Variants in SEMA3A observed in about 807,000 individuals in gnomAD.
SEMA3A encodes semaphorin 3A.
SEMA3A carries 29 observed loss-of-function variants against 97.9 expected under a neutral mutation model. The observed-to-expected ratio is 0.30, with a 90% CI of 0.22 to 0.40. The LOEUF (loss-of-function observed/expected upper bound fraction) is 0.40. SEMA3A is among the 10% of genes least tolerant of loss of function. The pLI is 1.00. For synonymous variants in SEMA3A, 321 were observed against 323.7 expected, an observed-to-expected ratio of 0.99 and a Z score of 0.09; for missense variants, 763 against 951.3, an observed-to-expected ratio of 0.80 and a Z score of 2.60.
At chr7:84,415,267 T>C (rs1206437448) in intron 1 of SEMA3A, among the ~76,000 whole-genome samples, 1 of 152,112 alleles carries the variant, frequency 6.6e-6, no homozygotes. Flanking sequence ...CATAAATCTG[T>C]TATAAAATAC....
At chr7:84,066,993 G>A (rs1313315278) in intron 4 of SEMA3A, among the ~76,000 whole-genome samples, 2 of 152,048 alleles carry the variant, frequency 1.3e-5, no homozygotes, top group South Asian at 2.1e-4. Context: ...AACAAAGCTG[G>A]AGGCATCACA....
intron 6 of SEMA3A, among the ~76,000 whole-genome samples, 192 bp from the exon 7 acceptor site, chr7:84,014,543 C>T (rs1052620808): frequency 1.3e-5 from 2 of 152,012 alleles, no homozygotes; most frequent in African/African-American, 4.8e-5. Context: ...TACCTTATAT[C>T]TCTAGAAAAA....
intron 1 of SEMA3A, among the ~76,000 whole-genome samples, chr7:84,470,183 C>T (rs1405754544): frequency 6.6e-6 from 1 of 151,982 alleles, no homozygotes; most frequent in Non-Finnish European, 1.5e-5. Context: ...TGGGATTCTA[C>T]TATACTTATA....
intron 1 of SEMA3A, among the ~76,000 whole-genome samples, chr7:84,468,791 T>C (rs554364356): frequency 1.3e-5 from 2 of 152,186 alleles, no homozygotes; most frequent in South Asian, 4.1e-4. Flanking sequence ...AAGTATTAGA[T>C]TTATATCAAG....
chr7:84,405,894 A>T (rs1446002392), intron 1 of SEMA3A, among the ~76,000 whole-genome samples: 1 of 152,208 alleles, frequency 6.6e-6, no homozygotes. Flanking sequence ...GACACATTCA[A>T]AGCAGTATGT....
intron 12 of SEMA3A, among the ~76,000 whole-genome samples, chr7:83,991,351 A>G (rs1478864258): frequency 6.6e-6 from 1 of 151,758 alleles, no homozygotes; most frequent in Non-Finnish European, 1.5e-5. Flanking sequence ...AACTTCCAAC[A>G]CTATGTTGAA....
intron 3 of SEMA3A, among the ~76,000 whole-genome samples, chr7:84,292,643 C>G (rs1436035806): frequency 6.6e-6 from 1 of 151,884 alleles, no homozygotes; most frequent in African/African-American, 2.4e-5. Flanking sequence ...TGGGGTTGGG[C>G]AAAATCTATT....
intron 3 of SEMA3A, among the ~76,000 whole-genome samples, chr7:84,232,305 C>A (rs892806606): frequency 1.4e-5 from 2 of 148,060 alleles, no homozygotes; most frequent in Non-Finnish European, 3.0e-5. Context: ...ACTTTTCTTG[C>A]AACTAAGGTC....
intron 6 of SEMA3A, among the ~76,000 whole-genome samples, chr7:84,020,051 T>TA (rs542347973): frequency 1.6e-5 from 2 of 126,366 alleles, no homozygotes; most frequent in South Asian, 2.8e-4. Flanking sequence ...TTTTTTTTTT[T>TA]TTTTTTTTTT....
chr7:84,283,324 A>T (rs1287438929), intron 3 of SEMA3A, among the ~76,000 whole-genome samples: 1 of 152,116 alleles, frequency 6.6e-6, no homozygotes, highest in Non-Finnish European at 1.5e-5. Flanking sequence ...TATGGGTTGG[A>T]ACTTCTAAAG....
At chr7:84,056,167 T>TTTTTTTTTTTTTG (rs1330112097) in intron 5 of SEMA3A, among the ~76,000 whole-genome samples, 1 of 152,160 alleles carries the variant, frequency 6.6e-6, no homozygotes, top group Non-Finnish European at 1.5e-5. Context: ...CATTCTTTCT[T>TTTTTTTTTTTTTG]AACTGGAAGC....
intron 2 of SEMA3A, among the ~76,000 whole-genome samples, chr7:84,331,914 G>T (rs545871849): frequency 6.6e-6 from 1 of 151,992 alleles, no homozygotes; most frequent in Non-Finnish European, 1.5e-5. Flanking sequence ...TGGCAATGAG[G>T]TATTTCCCTT....
intron 3 of SEMA3A, among the ~76,000 whole-genome samples, chr7:84,256,827 G>A (rs1424811969): frequency 6.6e-6 from 1 of 152,044 alleles, no homozygotes; most frequent in Non-Finnish European, 1.5e-5. Flanking sequence ...TTCTCTCTGA[G>A]TGGAAACTTG....
intron 1 of SEMA3A, among the ~76,000 whole-genome samples, chr7:84,424,152 A>G (rs1804677051): frequency 6.6e-6 from 1 of 151,540 alleles, no homozygotes; most frequent in Non-Finnish European, 1.5e-5. Context: ...TATCTACCCA[A>G]AGGAAAAGAT....
chr7:83,998,167 G>C (rs1790294945), intron 12 of SEMA3A, among the ~76,000 whole-genome samples: 1 of 151,978 alleles, frequency 6.6e-6, no homozygotes, highest in Non-Finnish European at 1.5e-5. Context: ...TGTATGGGTT[G>C]ATGACAGAGA....
chr7:84,369,010 A>C (rs1802914309), intron 2 of SEMA3A, among the ~76,000 whole-genome samples: 1 of 151,004 alleles, frequency 6.6e-6, no homozygotes, highest in Non-Finnish European at 1.5e-5. Flanking sequence ...ACTAGATCAC[A>C]ATGTTAATTC....
At chr7:84,383,943 C>A (rs1330869782) in intron 1 of SEMA3A, among the ~76,000 whole-genome samples, 1 of 152,192 alleles carries the variant, frequency 6.6e-6, no homozygotes, top group Non-Finnish European at 1.5e-5. Flanking sequence ...AGACAGGTAT[C>A]TCCTTTTTCC....
rs548414923 is a variant in SEMA3A, at chr7:84,438,759, T to A, written c.-246+53701A>T. Among the ~76,000 whole-genome samples the A allele has an allele frequency of 4.6e-5, 7 of 152,170 alleles. No homozygotes were observed. In the East Asian group the frequency reaches 1.4e-3, roughly 29 times the overall value. On this transcript the variant is annotated intron_variant, in intron 1 of 3. Transcript: ENST00000424555. ...ACAACCAAGAGTTTGAGAGATCAAATAATATCATAAGGGAAATGACTTGAA... is the reference window on the plus strand; with the variant it reads ...ACAACCAAGAGTTTGAGAGATCAAAAAATATCATAAGGGAAATGACTTGAA...
At chr7:84,390,269 A>G (rs1480616613) in intron 1 of SEMA3A, among the ~76,000 whole-genome samples, 2 of 151,434 alleles carry the variant, frequency 1.3e-5, no homozygotes, top group Non-Finnish European at 2.9e-5. Context: ...TTATGGTAGG[A>G]ACACTCCTGC....
Sources: gnomAD v4.1 joint callset for allele counts (sites outside exome capture counted in the v4.1 genomes callset) on GRCh38, gnomAD v4.1.1 for gene constraint, MANE v1.5 for transcripts, NCBI Gene and HGNC (gene_info 2026-07-23, HGNC 2026-07-21) for gene names.